The following SPIRE1 variants were observed in gnomAD, a reference collection of about 807,000 sequenced individuals.
SPIRE1 encodes spire type actin nucleation factor 1, also known as protein spire homolog 1.
A neutral mutation model predicts 94.1 loss-of-function variants in SPIRE1; 40 were observed. The observed-to-expected ratio is 0.43, with a 90% CI of 0.33 to 0.55. The LOEUF (loss-of-function observed/expected upper bound fraction) is 0.55. SPIRE1 is among the 20% of genes least tolerant of loss of function. The pLI is 0.06. For missense variants in SPIRE1, 838 were observed against 975.2 expected, an observed-to-expected ratio of 0.86 and a Z score of 1.87; for synonymous variants, 376 against 371.7, an observed-to-expected ratio of 1.01 and a Z score of -0.13.
chr18:12,490,297 A>G (rs1220880722), intron 8 of SPIRE1, among the ~76,000 whole-genome samples: 1 of 149,700 alleles, frequency 6.7e-6, no homozygotes, highest in Admixed American at 6.6e-5. Context: ...GAAACTGAAG[A>G]ATATGGCTTG....
At chr18:12,561,268 AT>A (rs34495303) in intron 2 of SPIRE1, among the ~76,000 whole-genome samples, 50,587 of 134,632 alleles carry the variant, frequency 0.38, 9,476 homozygotes, top group East Asian at 0.55. Context: ...GAATAGATCA[AT>A]TTTTTTTTTT....
intron 10 of SPIRE1, among the ~76,000 whole-genome samples, chr18:12,476,705 AT>A: frequency 6.6e-6 from 1 of 150,766 alleles, no homozygotes; most frequent in East Asian, 1.9e-4. Context: ...TTAAAAAGGA[AT>A]TATGTATATA....
intron 12 of SPIRE1, among the ~76,000 whole-genome samples, chr18:12,455,104 T>A (rs1034004385): frequency 6.6e-6 from 1 of 151,784 alleles, no homozygotes; most frequent in Non-Finnish European, 1.5e-5. Context: ...CCCAGCTAAT[T>A]TTTTTGTATT....
At chr18:12,585,111 AT>A (rs1215622086) in intron 2 of SPIRE1, among the ~76,000 whole-genome samples, 2 of 152,044 alleles carry the variant, frequency 1.3e-5, no homozygotes, top group Non-Finnish European at 2.9e-5. Flanking sequence ...GCCAATAAAT[AT>A]TTTTTTAAAA....
At chr18:12,622,421 CTTTTTTTTTTT>C (rs71371281) in intron 2 of SPIRE1, among the ~76,000 whole-genome samples, 1 of 114,810 alleles carries the variant, frequency 8.7e-6, no homozygotes, top group South Asian at 3.3e-4. Context: ...TATGTCCAGT[CTTTTTTTTTTT>C]TTTTTTTTGA....
At chr18:12,631,801 G>C (rs1379628042) in intron 2 of SPIRE1, among the ~76,000 whole-genome samples, 2 of 152,154 alleles carry the variant, frequency 1.3e-5, no homozygotes, top group Non-Finnish European at 2.9e-5. Flanking sequence ...GGAGGCAGAG[G>C]TTGTAGTGAG....
At chr18:12,602,207 G>C (rs1307524948) in intron 2 of SPIRE1, among the ~76,000 whole-genome samples, 1 of 152,050 alleles carries the variant, frequency 6.6e-6, no homozygotes, top group East Asian at 1.9e-4. Flanking sequence ...AGCAACATAA[G>C]AGATCAGATA....
intron 5 of SPIRE1, among the ~76,000 whole-genome samples, chr18:12,507,063 T>C (rs1344403311): frequency 1.3e-5 from 2 of 152,238 alleles, no homozygotes; most frequent in African/African-American, 4.8e-5. Flanking sequence ...TACAATGGGC[T>C]TGTCCCTTGT....
At chr18:12,506,755 A>G in intron 5 of SPIRE1, 114 bp from the exon 6 acceptor site, 1 of 1,047,606 alleles carries the variant, frequency 9.5e-7, no homozygotes, top group Non-Finnish European at 1.4e-6. Flanking sequence ...GAGTAAACCA[A>G]CAAAAAACTA....
chr18:12,462,024 G>A (rs2031884885), intron 12 of SPIRE1, among the ~76,000 whole-genome samples: 2 of 152,122 alleles, frequency 1.3e-5, no homozygotes, highest in Admixed American at 1.3e-4. Context: ...AGATTTTTAC[G>A]TTTGAATCTG....
chr18:12,628,934 C>A (rs2037704711), intron 2 of SPIRE1, among the ~76,000 whole-genome samples: 1 of 152,106 alleles, frequency 6.6e-6, no homozygotes, highest in South Asian at 2.1e-4. Flanking sequence ...GGTACTTATG[C>A]CCAGTATACA....
At chr18:12,614,976 C>G (rs953930437) in intron 2 of SPIRE1, among the ~76,000 whole-genome samples, 1 of 151,274 alleles carries the variant, frequency 6.6e-6, no homozygotes, top group Admixed American at 6.6e-5. Context: ...ATTGCCTGAG[C>G]TCAGGAGTTC....
chr18:12,574,514 T>C (rs1017197499), intron 2 of SPIRE1, among the ~76,000 whole-genome samples: 3 of 152,160 alleles, frequency 2.0e-5, no homozygotes, highest in African/African-American at 7.2e-5. Context: ...GTGGTAGAAT[T>C]TACTGATATG....
intron 13 of SPIRE1, 39 bp downstream of exon 13, chr18:12,454,307 C>T: frequency 6.2e-7 from 1 of 1,611,324 alleles, no homozygotes; most frequent in Non-Finnish European, 8.5e-7. Flanking sequence ...ACTGGCCATC[C>T]TTCTACTCTT....
chr18:12,451,004 C>G (rs2031211158), intron 16 of SPIRE1: 1 of 499,008 alleles, frequency 2.0e-6, no homozygotes, highest in African/African-American at 2.1e-5. Flanking sequence ...TGAAGATGAA[C>G]AAGATGAAAA....
At chr18:12,627,218 C>G (rs1011947460) in intron 2 of SPIRE1, among the ~76,000 whole-genome samples, 8 of 152,034 alleles carry the variant, frequency 5.3e-5, no homozygotes, top group South Asian at 2.1e-4. Context: ...CTCCCTCCCC[C>G]ACCCCACAAC....
intron 4 of SPIRE1, among the ~76,000 whole-genome samples, chr18:12,513,773 T>G (rs1239723239): frequency 6.6e-6 from 1 of 152,178 alleles, no homozygotes; most frequent in Admixed American, 6.5e-5. Context: ...TCCACCCGCC[T>G]CGGCCTCCCA....
rs1332363194 is a variant in SPIRE1 at position 12,518,328 on chromosome 18, T to C, written c.730-5797A>G. Among the ~76,000 whole-genome samples the C allele has an allele frequency of 2.0e-5, 3 of 151,862 alleles. No individual in the cohort carries two copies. The East Asian group carries it at 5.8e-4, about 29-fold the overall frequency. On this transcript the variant is annotated intron_variant, in intron 4 of 16. Coordinates refer to ENST00000409402, the MANE Select transcript of SPIRE1 (RefSeq NM_001128626.2). ...CTGGGCAACATTTTTAATAACTCAG[T>C]TAAAATATGCTAATGTAGGCCAAGT...
intron 2 of SPIRE1, among the ~76,000 whole-genome samples, chr18:12,567,459 G>C (rs77764901): frequency 0.078 from 11,934 of 152,164 alleles, 638 homozygotes; most frequent in Middle Eastern, 0.16. Context: ...TAACAAACTA[G>C]TTCTAAAGTT....
Sources: gnomAD v4.1 joint callset for allele counts (sites outside exome capture counted in the v4.1 genomes callset) on GRCh38, gnomAD v4.1.1 for gene constraint, MANE v1.5 for transcripts, NCBI Gene and HGNC (gene_info 2026-07-23, HGNC 2026-07-21) for gene names.